The following MAGI2 variants were observed in gnomAD, a reference collection of about 807,000 sequenced individuals.
The protein encoded by MAGI2 is membrane associated guanylate kinase, WW and PDZ domain containing 2.
Under a neutral mutation model 133.3 loss-of-function variants are expected in MAGI2, and 35 were observed. The ratio of observed to expected loss-of-function variants is 0.26; its 90% CI spans 0.20 to 0.35. The LOEUF (loss-of-function observed/expected upper bound fraction) is 0.35. MAGI2 is among the 10% of genes least tolerant of loss of function. The pLI is 1.00. For synonymous variants in MAGI2, 729 were observed against 710.6 expected (o/e 1.03, Z -0.41); for missense variants, 1,636 against 1,863.4 (o/e 0.88, Z 2.25).
chr7:79,315,563 G>A (rs574379799), intron 1 of MAGI2, among the ~76,000 whole-genome samples: 1 of 152,046 alleles, frequency 6.6e-6, no homozygotes, highest in African/African-American at 2.4e-5. Flanking sequence ...GTAAAATTTG[G>A]ATGCATGTTT....
At chr7:79,130,104 CAG>C (rs1820789643) in intron 1 of MAGI2, among the ~76,000 whole-genome samples, 2 of 147,934 alleles carry the variant, frequency 1.4e-5, no homozygotes, top group South Asian at 4.3e-4. Context: ...AGGTCAAGGC[CAG>C]CCTGAGTAAA....
At chr7:79,097,001 A>C (rs998997242) in intron 1 of MAGI2, among the ~76,000 whole-genome samples, 1 of 152,206 alleles carries the variant, frequency 6.6e-6, no homozygotes, top group Non-Finnish European at 1.5e-5. Flanking sequence ...TTTTTGTCTG[A>C]TAGTCACTAA....
intron 1 of MAGI2, among the ~76,000 whole-genome samples, chr7:79,043,046 C>A (rs1279931721): frequency 6.6e-6 from 1 of 151,960 alleles, no homozygotes; most frequent in Non-Finnish European, 1.5e-5. Flanking sequence ...AAAACAAGGA[C>A]ACAACATAGA....
chr7:78,352,810 A>G (rs1363987460), intron 7 of MAGI2: 1 of 152,156 alleles, frequency 6.6e-6, no homozygotes, highest in Non-Finnish European at 1.5e-5. Context: ...AATGCTAGTT[A>G]TTTAGTTAAG....
chr7:79,369,127 A>G (rs1350729877), intron 1 of MAGI2, among the ~76,000 whole-genome samples: 2 of 152,176 alleles, frequency 1.3e-5, no homozygotes, highest in Admixed American at 1.3e-4. Flanking sequence ...TCTCTCCTGT[A>G]AAGTGTAGCT....
chr7:78,725,905 T>A (rs1820756453), intron 2 of MAGI2, among the ~76,000 whole-genome samples: 1 of 152,366 alleles, frequency 6.6e-6, no homozygotes, highest in Admixed American at 6.5e-5. Flanking sequence ...TAAAATGTAC[T>A]GGATAGTCGT....
chr7:78,510,570 G>C (rs2150554788), intron 4 of MAGI2, among the ~76,000 whole-genome samples: 1 of 152,188 alleles, frequency 6.6e-6, no homozygotes, highest in African/African-American at 2.4e-5. Context: ...AAAAAGTAAT[G>C]CAAATGTCAG....
At chr7:79,212,247 G>A (rs1487539480) in intron 1 of MAGI2, among the ~76,000 whole-genome samples, 1 of 152,004 alleles carries the variant, frequency 6.6e-6, no homozygotes, top group East Asian at 1.9e-4. Flanking sequence ...ATTTAATTGA[G>A]CCATTTCCTC....
At chr7:78,596,469 A>G (rs760662598) in intron 3 of MAGI2, among the ~76,000 whole-genome samples, 1 of 152,186 alleles carries the variant, frequency 6.6e-6, no homozygotes, top group African/African-American at 2.4e-5. Flanking sequence ...GAGTGCTTTC[A>G]AGGATGTGGG....
At chr7:78,208,155 T>TTTTAA (rs1554499970) in intron 10 of MAGI2, among the ~76,000 whole-genome samples, 2 of 145,328 alleles carry the variant, frequency 1.4e-5, no homozygotes, top group African/African-American at 2.6e-5. Flanking sequence ...TTTTTTTTTT[T>TTTTAA]AATATGGGGA....
intron 3 of MAGI2, among the ~76,000 whole-genome samples, chr7:78,583,810 G>A (rs1803104199): frequency 6.6e-6 from 1 of 152,152 alleles, no homozygotes; most frequent in South Asian, 2.1e-4. Context: ...ATCATGTATT[G>A]GCAGGGGAGA....
chr7:78,928,180 G>T (rs1799856199), intron 2 of MAGI2, among the ~76,000 whole-genome samples: 1 of 151,752 alleles, frequency 6.6e-6, no homozygotes, highest in Admixed American at 6.6e-5. Flanking sequence ...CCTTCCACAG[G>T]AATTAGTTCA....
intron 2 of MAGI2, among the ~76,000 whole-genome samples, chr7:78,872,949 T>C (rs1252049398): frequency 2.0e-5 from 3 of 152,126 alleles, no homozygotes; most frequent in Non-Finnish European, 4.4e-5. Context: ...TACAAAATTT[T>C]ATGGAGAGAA....
intron 21 of MAGI2, among the ~76,000 whole-genome samples, chr7:78,067,552 AT>A (rs1184611076): frequency 6.6e-6 from 1 of 152,220 alleles, no homozygotes; most frequent in Non-Finnish European, 1.5e-5. Context: ...AAGGCAGGTT[AT>A]TTTGAAAGCA....
intron 1 of MAGI2, 157 bp downstream of exon 1, chr7:79,452,863 T>A: frequency 1.4e-6 from 1 of 736,118 alleles, no homozygotes; most frequent in Non-Finnish European, 2.1e-6. Flanking sequence ...CCAAGTCGAA[T>A]CCCCGGCGAA....
chr7:79,288,779 T>C (rs1378018647), intron 1 of MAGI2, among the ~76,000 whole-genome samples: 1 of 152,114 alleles, frequency 6.6e-6, no homozygotes, highest in Admixed American at 6.6e-5. Context: ...TTATCTACTT[T>C]AAAATGACAG....
At chr7:78,474,490 A>T (rs1487608643) in intron 6 of MAGI2, among the ~76,000 whole-genome samples, 2 of 152,050 alleles carry the variant, frequency 1.3e-5, no homozygotes, top group African/African-American at 4.8e-5. Context: ...TAAATATAAT[A>T]GTGATTGAGG....
chr7:78,032,104 G>A (rs138332120), intron 21 of MAGI2, among the ~76,000 whole-genome samples: 1 of 148,798 alleles, frequency 6.7e-6, no homozygotes, highest in Non-Finnish European at 1.5e-5. Context: ...GTCCAATTGT[G>A]TTATTGTATT....
intron 1 of MAGI2, among the ~76,000 whole-genome samples, chr7:79,214,391 CTCTCTCTCTCTCTCTCTATATATA>C (rs1217362916): frequency 3.1e-4 from 29 of 93,236 alleles, no homozygotes; most frequent in Middle Eastern, 5.1e-3. Flanking sequence ...CTCTCTCTCT[CTCTCTCTCTCTCTCTCTATATATA>C]TATATATATA....
Sources: allele counts gnomAD v4.1 joint callset (sites outside exome capture counted in the v4.1 genomes callset), GRCh38; gene constraint gnomAD v4.1.1; transcripts MANE v1.5; gene names NCBI Gene and HGNC (gene_info 2026-07-23, HGNC 2026-07-21).